Variants in BRMS1L observed in about 807,000 individuals in gnomAD.
BRMS1L encodes BRMS1 like transcriptional repressor.
In BRMS1L, 23 loss-of-function variants were observed where a neutral mutation model predicts 50.3. The ratio of observed to expected loss-of-function variants is 0.46; its 90% CI spans 0.33 to 0.65. The LOEUF (loss-of-function observed/expected upper bound fraction) is 0.65, where lower values mean the gene tolerates loss of function less well. BRMS1L is among the 30% of genes least tolerant of loss of function. BRMS1L has a pLI of 0.02. For missense variants in BRMS1L, 286 were observed against 386.1 expected, an observed-to-expected ratio of 0.74 and a Z score of 2.17; for synonymous variants, 114 against 126.9, an observed-to-expected ratio of 0.90 and a Z score of 0.69.
intron 6 of BRMS1L, among the ~76,000 whole-genome samples, chr14:35,864,330 T>C (rs1044298679): frequency 9.9e-5 from 15 of 152,086 alleles, no homozygotes. Context: ...GGCACAATCA[T>C]GGCTCACCTT....
intron 4 of BRMS1L, among the ~76,000 whole-genome samples, chr14:35,853,439 C>A (rs1231457946): frequency 1.3e-5 from 2 of 151,940 alleles, no homozygotes; most frequent in Non-Finnish European, 2.9e-5. Flanking sequence ...TTTTTTGAGA[C>A]AGGGTCTCAT....
At chr14:35,845,075 A>T (rs2142047331) in intron 4 of BRMS1L, among the ~76,000 whole-genome samples, 1 of 152,248 alleles carries the variant, frequency 6.6e-6, no homozygotes, top group Non-Finnish European at 1.5e-5. Context: ...TAGAGATGGG[A>T]TCTCACATAT....
chr14:35,863,047 A>T (rs1318526189), intron 5 of BRMS1L, among the ~76,000 whole-genome samples: 1 of 152,026 alleles, frequency 6.6e-6, no homozygotes, highest in Non-Finnish European at 1.5e-5. Flanking sequence ...CGAGATTGCA[A>T]TTGCAGTGAG....
intron 7 of BRMS1L, among the ~76,000 whole-genome samples, 194 bp downstream of exon 7, chr14:35,865,193 C>T (rs565145909): frequency 4.3e-4 from 65 of 152,274 alleles, no homozygotes; most frequent in Middle Eastern, 6.8e-3. Context: ...GACATGTCAG[C>T]AGTTTGATTG....
intron 4 of BRMS1L, among the ~76,000 whole-genome samples, chr14:35,849,681 G>A (rs776942999): frequency 7.9e-5 from 12 of 152,134 alleles, no homozygotes; most frequent in Non-Finnish European, 1.3e-4. Context: ...TTTCCCTGAT[G>A]ATTAATGATA....
intron 4 of BRMS1L, among the ~76,000 whole-genome samples, chr14:35,856,450 A>G (rs991407417): frequency 6.6e-6 from 1 of 152,176 alleles, no homozygotes; most frequent in Non-Finnish European, 1.5e-5. Context: ...AAATTGCTGA[A>G]AACTATTCGG....
intron 2 of BRMS1L, 121 bp from the exon 3 acceptor site, chr14:35,832,857 A>AT: frequency 1.1e-6 from 1 of 920,964 alleles, no homozygotes; most frequent in Non-Finnish European, 1.6e-6. Context: ...ATCAAGGCAA[A>AT]ATATATTTGA....
intron 4 of BRMS1L, among the ~76,000 whole-genome samples, chr14:35,850,113 T>G (rs1159235183): frequency 6.6e-6 from 1 of 152,094 alleles, no homozygotes; most frequent in Non-Finnish European, 1.5e-5. Context: ...TGAGCCACTG[T>G]GCCCGGCTGA....
intron 4 of BRMS1L, among the ~76,000 whole-genome samples, chr14:35,848,893 TC>T (rs2078172382): frequency 6.6e-6 from 1 of 152,246 alleles, no homozygotes; most frequent in Non-Finnish European, 1.5e-5. Flanking sequence ...TGGATGAACT[TC>T]CATATCTTGG....
intron 6 of BRMS1L, among the ~76,000 whole-genome samples, chr14:35,864,397 G>C (rs994645726): frequency 6.6e-6 from 1 of 152,004 alleles, no homozygotes; most frequent in Non-Finnish European, 1.5e-5. Flanking sequence ...AAGTAGCTGG[G>C]ACTACAGGCA....
intron 8 of BRMS1L, 118 bp from the exon 9 acceptor site, chr14:35,867,788 A>G: frequency 2.1e-6 from 2 of 948,744 alleles, no homozygotes; most frequent in East Asian, 6.0e-5. Flanking sequence ...GTTATTTAAG[A>G]AATATTTTTA....
chr14:35,826,403 AG>A lies in BRMS1L; in HGVS notation c.-109del. 6.7e-7 allele frequency: 1 copy of A among 1,485,456 alleles called. No homozygotes were observed. The highest frequency in any genetic ancestry group is 9.1e-7 in the Non-Finnish European group (1 of 1,102,090). The allele number at this position is 1,485,456 out of a possible 1,614,324, so 92.0% of individuals were successfully genotyped here. On this transcript the variant is annotated 5_prime_UTR_variant, in exon 1 of 10. Coordinates refer to ENST00000216807, the MANE Select transcript of BRMS1L (RefSeq NM_032352.4). ...CCGGGCCGGGGGCGGGGAGGAGCCA[AG>A]GGGGCGAGCAAGCTCGGTGGCTGGG...
Position 35,838,532 on chromosome 14 carries a change from T to TTGTTTC in BRMS1L, c.441+3609_441+3610insTGTTTC, listed in dbSNP as rs1373999998. 3.3e-5 allele frequency among the ~76,000 whole-genome samples: 5 copies of TTGTTTC among 152,290 alleles called. No homozygotes were observed. The East Asian group carries it at 9.6e-4, about 29-fold the overall frequency. On this transcript the variant is annotated intron_variant, in intron 4 of 9. Transcript: ENST00000216807. The stretch of plus-strand genomic sequence containing the variant: ...CTATTTCTCCACATCCTCTCCAGCA[T>TTGTTTC]CTGTTGTTTCCTGACTTTTTAATGA...
chr14:35,863,786 A>G, intron 5 of BRMS1L, 84 bp from the exon 6 acceptor site: 4 of 1,245,398 alleles, frequency 3.2e-6, no homozygotes, highest in East Asian at 2.3e-5. Context: ...ACATGTAACT[A>G]AATAGCCACC....
At chr14:35,854,340 A>G (rs2142054910) in intron 4 of BRMS1L, among the ~76,000 whole-genome samples, 1 of 152,280 alleles carries the variant, frequency 6.6e-6, no homozygotes, top group South Asian at 2.1e-4. Flanking sequence ...CTAGGATGAC[A>G]GTTATTTTCT....
intron 4 of BRMS1L, among the ~76,000 whole-genome samples, chr14:35,838,044 C>T (rs1181804444): frequency 6.6e-6 from 1 of 152,108 alleles, no homozygotes; most frequent in Admixed American, 6.5e-5. Context: ...CTCCCACAGG[C>T]CTCGGTGTGT....
intron 4 of BRMS1L, among the ~76,000 whole-genome samples, chr14:35,843,861 C>G (rs1159570652): frequency 6.6e-6 from 1 of 152,236 alleles, no homozygotes; most frequent in Non-Finnish European, 1.5e-5. Context: ...GGGGCTGCTG[C>G]CTTTCTTTCA....
intron 1 of BRMS1L, among the ~76,000 whole-genome samples, chr14:35,830,267 C>T (rs1390831243): frequency 1.4e-4 from 22 of 152,144 alleles, no homozygotes. Flanking sequence ...TGGGTTTTCT[C>T]CATGTTGGTC....
At chr14:35,846,405 A>G (rs2078135047) in intron 4 of BRMS1L, among the ~76,000 whole-genome samples, 1 of 151,976 alleles carries the variant, frequency 6.6e-6, no homozygotes. Context: ...AAAAAAAAAA[A>G]AAAAGAAAAA....
Sources: gnomAD v4.1 joint callset for allele counts (sites outside exome capture counted in the v4.1 genomes callset) on GRCh38, gnomAD v4.1.1 for gene constraint, MANE v1.5 for transcripts, NCBI Gene and HGNC (gene_info 2026-07-23, HGNC 2026-07-21) for gene names.